Variants in UBXN7 observed in about 807,000 individuals in gnomAD.
The protein encoded by UBXN7 is UBX domain protein 7, also known as UBX domain-containing protein 7.
A neutral mutation model predicts 58.0 loss-of-function variants in UBXN7; 9 were observed. That is an observed-to-expected ratio of 0.16 (90% CI 0.09 to 0.27). UBXN7 has a LOEUF of 0.27. UBXN7 is among the 10% of genes least tolerant of loss of function. UBXN7 has a pLI of 1.00. For synonymous variants in UBXN7, 208 were observed against 205.0 expected, an observed-to-expected ratio of 1.01 and a Z score of -0.12; for missense variants, 328 against 599.6, an observed-to-expected ratio of 0.55 and a Z score of 4.73.
intron 1 of UBXN7, among the ~76,000 whole-genome samples, chr3:196,410,326 T>A (rs1730286588): frequency 6.6e-6 from 1 of 152,224 alleles, no homozygotes. Context: ...ACATTACCCT[T>A]ACTGCAAGAA....
At position 196,357,149 on chromosome 3, in the gene UBXN7, A is replaced by G. The variant is rs544450499; in HGVS notation, c.1309-303T>C. On this transcript the variant is annotated intron_variant, in intron 10 of 10. Coordinates refer to ENST00000296328, the MANE Select transcript of UBXN7 (RefSeq NM_015562.2). ...AAAATTAAATTATTGTTCTCATTTTAAAACATTTTATCCGTTTTCCTTTCT... is the reference window on the plus strand; with the variant it reads ...AAAATTAAATTATTGTTCTCATTTTGAAACATTTTATCCGTTTTCCTTTCT... 1.2e-3 allele frequency among the ~76,000 whole-genome samples: 188 copies of G among 152,352 alleles called. 1 individual carries two copies. The highest frequency in any genetic ancestry group is 2.2e-3 in the Non-Finnish European group (148 of 68,028).
At chr3:196,401,526 C>A (rs140001388) in intron 3 of UBXN7, among the ~76,000 whole-genome samples, 1 of 150,014 alleles carries the variant, frequency 6.7e-6, no homozygotes, top group African/African-American at 2.4e-5. Context: ...AATGCAGGAA[C>A]AGAAAGCCAA....
In UBXN7 at chr3:196,350,291, C is replaced by G. The variant is rs1728180311; in HGVS notation, c.*6394G>C. ...TGAGAATATCTGCAATTTTAAGCAA[C>G]ACAACAGCAACTGGTAGGCCACAAA... On this transcript the variant is annotated 3_prime_UTR_variant, in exon 11 of 11. Transcript: ENST00000296328. The G allele has an allele frequency of 6.6e-6, 1 of 152,168 alleles. No homozygotes were observed. The highest frequency in any genetic ancestry group is 2.4e-5 in the African/African-American group (1 of 41,446). The allele number at this position is 152,168 out of a possible 1,614,324, so 9.4% of individuals were successfully genotyped here. A position where few individuals can be genotyped will look rare whatever the true frequency, so the allele number is the denominator to read the frequency against.
intron 1 of UBXN7, among the ~76,000 whole-genome samples, chr3:196,408,055 G>A (rs1263761572): frequency 6.0e-5 from 8 of 132,952 alleles, no homozygotes; most frequent in Admixed American, 9.0e-5. Context: ...CCGAAGTCAC[G>A]CCACTGCACT....
At chr3:196,363,195 A>C (rs1728554065) in intron 8 of UBXN7, among the ~76,000 whole-genome samples, 1 of 148,012 alleles carries the variant, frequency 6.8e-6, no homozygotes, top group African/African-American at 2.5e-5. Context: ...GAGACACCGC[A>C]CCTGGCACAT....
At chr3:196,390,159 C>T (rs1729532191) in intron 5 of UBXN7, among the ~76,000 whole-genome samples, 1 of 151,810 alleles carries the variant, frequency 6.6e-6, no homozygotes, top group Non-Finnish European at 1.5e-5. Flanking sequence ...TTGGAGGCTG[C>T]AGTGAGCCAT....
chr3:196,372,093 A>T (rs1366114526), intron 5 of UBXN7, 51 bp from the exon 6 acceptor site: 1 of 1,539,394 alleles, frequency 6.5e-7, no homozygotes, highest in Admixed American at 2.1e-5. Context: ...ACTTAGTGAC[A>T]GATGTTTCCG....
At chr3:196,431,424 G>C (rs972610243) in intron 1 of UBXN7, 1 of 152,694 alleles carries the variant, frequency 6.5e-6, no homozygotes, top group Non-Finnish European at 1.5e-5. Context: ...AATGGCTTTA[G>C]GGCCTTTCCT....
chr3:196,399,821 C>G (rs1209626594), intron 3 of UBXN7: 2 of 152,106 alleles, frequency 1.3e-5, no homozygotes, highest in African/African-American at 4.8e-5. Flanking sequence ...CTGAAGCCAC[C>G]ACATGAATTC....
At chr3:196,429,010 T>TAA (rs11401303) in intron 1 of UBXN7, among the ~76,000 whole-genome samples, 10,384 of 126,080 alleles carry the variant, frequency 0.082, 507 homozygotes, top group Middle Eastern at 0.15. Flanking sequence ...CTCCATCTCT[T>TAA]AAAAAAAAAA....
intron 5 of UBXN7, among the ~76,000 whole-genome samples, chr3:196,381,831 T>G (rs1729217372): frequency 1.3e-5 from 2 of 152,190 alleles, no homozygotes; most frequent in Non-Finnish European, 2.9e-5. Flanking sequence ...GCACGAGAAC[T>G]TCGTGACGCT....
intron 1 of UBXN7, among the ~76,000 whole-genome samples, chr3:196,412,940 A>G (rs772831158): frequency 2.6e-5 from 4 of 152,160 alleles, no homozygotes; most frequent in Non-Finnish European, 5.9e-5. Flanking sequence ...GTTCTTGTTT[A>G]ATGGGTATAG....
At chr3:196,410,300 C>G (rs150860777) in intron 1 of UBXN7, among the ~76,000 whole-genome samples, 1 of 152,082 alleles carries the variant, frequency 6.6e-6, no homozygotes, top group Non-Finnish European at 1.5e-5. Flanking sequence ...AGCAGGGTTA[C>G]TCATGTTATC....
chr3:196,385,256 G>A (rs976224587), intron 5 of UBXN7, among the ~76,000 whole-genome samples: 15 of 152,192 alleles, frequency 9.9e-5, no homozygotes, highest in African/African-American at 2.9e-4. Flanking sequence ...TGCCAGCCTC[G>A]GCCTCCCGAG....
intron 10 of UBXN7, among the ~76,000 whole-genome samples, chr3:196,357,569 TG>T (rs1461543339): frequency 6.6e-6 from 1 of 152,100 alleles, no homozygotes; most frequent in Non-Finnish European, 1.5e-5. Flanking sequence ...GCACAGGAGT[TG>T]GAGACCAGCT....
At chr3:196,374,398 G>C (rs1728929321) in intron 5 of UBXN7, among the ~76,000 whole-genome samples, 1 of 152,040 alleles carries the variant, frequency 6.6e-6, no homozygotes, top group African/African-American at 2.4e-5. Flanking sequence ...TAAAGTAATA[G>C]CAGTTCTAAA....
At chr3:196,374,991 G>GGAGA in intron 5 of UBXN7, among the ~76,000 whole-genome samples, 1 of 66,784 alleles carries the variant, frequency 1.5e-5, no homozygotes, top group Non-Finnish European at 3.5e-5. Context: ...AGGAAGGGAG[G>GGAGA]GAGGGAGGGA....
chr3:196,348,488 C>T lies in UBXN7; in HGVS notation c.*8197G>A, dbSNP rs1269228044. ...GTACAGATGAAATTTAGAGCCTGTC[C>T]TGCATTAAGAATGCAAATCTCAGTA... On this transcript the variant is annotated 3_prime_UTR_variant, in exon 11 of 11. Coordinates refer to ENST00000296328, the MANE Select transcript of UBXN7 (RefSeq NM_015562.2). The T allele has an allele frequency of 1.3e-5, 2 of 152,178 alleles. No individual in the cohort carries two copies. Among genetic ancestry groups the T allele is most frequent in the Non-Finnish European group, 2.9e-5 (2 of 68,044 alleles). The allele number at this position is 152,178 out of a possible 1,614,324, so 9.4% of individuals were successfully genotyped here. A position where few individuals can be genotyped will look rare whatever the true frequency, so the allele number is the denominator to read the frequency against.
chr3:196,385,074 C>T (rs1190280942), intron 5 of UBXN7, among the ~76,000 whole-genome samples: 1 of 152,308 alleles, frequency 6.6e-6, no homozygotes, highest in Non-Finnish European at 1.5e-5. Flanking sequence ...ACTGTACTGC[C>T]GCCATCTCGA....
Sources: allele counts gnomAD v4.1 joint callset (sites outside exome capture counted in the v4.1 genomes callset), GRCh38; gene constraint gnomAD v4.1.1; transcripts MANE v1.5; gene names NCBI Gene and HGNC (gene_info 2026-07-23, HGNC 2026-07-21).